Variants in BBS7 observed in about 807,000 individuals in gnomAD.
BBS7 encodes the protein BBSome complex member BBS7.
BBS7 carries 50 observed loss-of-function variants against 90.3 expected under a neutral mutation model. The ratio of observed to expected loss-of-function variants is 0.55; its 90% CI spans 0.44 to 0.70. The LOEUF is 0.70. Ranked by LOEUF, BBS7 falls within the 30% of genes least tolerant of loss-of-function variation. BBS7 has a pLI of 0.00. For synonymous variants in BBS7, 235 were observed against 287.4 expected (o/e 0.82, Z 1.85); for missense variants, 729 against 838.9 (o/e 0.87, Z 1.62).
intron 15 of BBS7, 152 bp from the exon 16 acceptor site, chr4:121,828,880 A>G (rs1353161513): frequency 2.0e-6 from 1 of 508,782 alleles, no homozygotes; most frequent in African/African-American, 2.0e-5. Flanking sequence ...AAATTTAAAC[A>G]TGTAATCCTT....
chr4:121,859,830 T>C (rs114279324), intron 4 of BBS7, among the ~76,000 whole-genome samples: 3,648 of 152,248 alleles, frequency 0.024, 55 homozygotes, highest in Middle Eastern at 0.071. Context: ...GTTTATTTCA[T>C]ATTACATTTA....
intron 12 of BBS7, 94 bp downstream of exon 12, chr4:121,843,833 G>A: frequency 1.2e-6 from 1 of 842,732 alleles, no homozygotes; most frequent in Non-Finnish European, 1.9e-6. Flanking sequence ...AATTGAAAAA[G>A]AAACATCAAA....
Position 121,824,809 on chromosome 4 carries a change from C to A in BBS7, c.*1051G>T. ...TATATAAATATAAGAATATACAAAG[C>A]TTGCACATAACTAATAAGTATAATA... On this transcript the variant is annotated 3_prime_UTR_variant, in exon 19 of 19. Transcript: ENST00000264499. The surrounding 1 kb of genome is among the most constrained non-coding windows in gnomAD (Gnocchi z 4.1). The A allele has an allele frequency of 6.6e-6, 1 of 151,772 alleles. No individual in the cohort carries two copies. Among genetic ancestry groups the A allele is most frequent in the East Asian group, 1.9e-4 (1 of 5,198 alleles). 9.4% of individuals were successfully genotyped at this position (151,772 alleles called of 1,614,324 possible).
intron 5 of BBS7, among the ~76,000 whole-genome samples, chr4:121,856,605 A>C (rs1383514832): frequency 1.3e-5 from 2 of 151,912 alleles, no homozygotes; most frequent in African/African-American, 4.8e-5. Context: ...CCAGCTACTC[A>C]GGAGGCTAAA....
At chr4:121,839,924 AT>A (rs1725650489) in intron 12 of BBS7, among the ~76,000 whole-genome samples, 1 of 152,252 alleles carries the variant, frequency 6.6e-6, no homozygotes, top group Non-Finnish European at 1.5e-5. Context: ...AATAAAAGCC[AT>A]TAAGTGATGA....
chr4:121,862,365 A>C (rs1213171560), intron 3 of BBS7, among the ~76,000 whole-genome samples: 1 of 152,176 alleles, frequency 6.6e-6, no homozygotes, highest in Non-Finnish European at 1.5e-5. Context: ...CCATGACTTT[A>C]TATACAGAGA....
At position 121,863,248 on chromosome 4, in the gene BBS7, A is replaced by AT. The variant is rs777707753; in HGVS notation, c.133dup (p.Met45AsnfsTer45). 2.5e-6 allele frequency: 4 copies of AT among 1,613,844 alleles called. No individual in the cohort carries two copies. The African/African-American group carries it at 4.0e-5, about 16-fold the overall frequency. On this transcript the variant is annotated frameshift_variant, in exon 3 of 19. Coordinates refer to ENST00000264499, the MANE Select transcript of BBS7 (RefSeq NM_176824.3). LOFTEE classifies it high-confidence loss of function. The stretch of plus-strand genomic sequence containing the variant: ...TTCTCCTTTCTTCATGCCAAAGCAC[A>AT]TAACTACCCCATCATGATCTCCAAT...
chr4:121,848,688 T>C (rs1427795712), intron 9 of BBS7, among the ~76,000 whole-genome samples, 156 bp downstream of exon 9: 1 of 152,202 alleles, frequency 6.6e-6, no homozygotes, highest in East Asian at 1.9e-4. Context: ...TATTTGAGGT[T>C]TGAGGCTTCC....
rs549500375 is a variant in BBS7, at chr4:121,849,789, C to T, written c.850-861G>A. Among the ~76,000 whole-genome samples, 6 of 152,188 alleles carry T rather than the reference C, an allele frequency of 3.9e-5. No homozygotes were observed. In the East Asian group the frequency reaches 9.7e-4, roughly 25 times the overall value. On this transcript the variant is annotated intron_variant, in intron 8 of 18. Coordinates refer to ENST00000264499, the MANE Select transcript of BBS7 (RefSeq NM_176824.3). ...AGGTTGCAGTGAGCTGAGATCGTCC[C>T]ACTGTACTCCAGTCTGGCGACAGAG...
chr4:121,832,038 ACACACAAAAC>A (rs1246987231), intron 15 of BBS7, among the ~76,000 whole-genome samples: 55 of 151,198 alleles, frequency 3.6e-4, no homozygotes, highest in Admixed American at 1.5e-3. Context: ...ACACACACAC[ACACACAAAAC>A]AAACAACCTA....
Position 121,847,521 on chromosome 4 carries a change from T to C in BBS7, c.935-15A>G. 6.4e-7 allele frequency: 1 copy of C among 1,557,448 alleles called. No individual in the cohort carries two copies. Among genetic ancestry groups the C allele is most frequent in the Non-Finnish European group, 8.9e-7 (1 of 1,128,936 alleles). On this transcript the variant is annotated splice_polypyrimidine_tract_variant and intron_variant, in intron 9 of 18. Coordinates refer to ENST00000264499, the MANE Select transcript of BBS7 (RefSeq NM_176824.3). Reference sequence around the variant, plus strand: ...TGTAACCCAGCCTGTAGAGATGAATTACAATCACGCACCACTTAGTACTGC... The same window carrying C: ...TGTAACCCAGCCTGTAGAGATGAATCACAATCACGCACCACTTAGTACTGC...
intron 8 of BBS7, among the ~76,000 whole-genome samples, chr4:121,850,865 T>C (rs1035215233): frequency 6.6e-6 from 1 of 152,204 alleles, no homozygotes; most frequent in African/African-American, 2.4e-5. Context: ...TAGGCTATGA[T>C]AGTTGTTCCT....
chr4:121,838,428 C>T (rs1725568467), intron 13 of BBS7, among the ~76,000 whole-genome samples: 1 of 149,692 alleles, frequency 6.7e-6, no homozygotes, highest in African/African-American at 2.5e-5. Flanking sequence ...AGTTATAGTG[C>T]TTAATTTTTA....
At chr4:121,854,664 T>A (rs1395297348) in intron 7 of BBS7, 40 bp downstream of exon 7, 2 of 1,588,298 alleles carry the variant, frequency 1.3e-6, no homozygotes, top group East Asian at 2.3e-5. Flanking sequence ...TACTTAATAA[T>A]CATTGACACC....
At position 121,833,286 on chromosome 4, in the gene BBS7, C is replaced by T; in HGVS notation, c.1621G>A (p.Val541Met). Residue 541 changes from valine to methionine, a missense_variant, in exon 15 of 19, where the codon GTG (valine) becomes ATG (methionine). Val to Met is a conservative substitution (Grantham distance 21). Coordinates refer to ENST00000264499, the MANE Select transcript of BBS7 (RefSeq NM_176824.3). ...VPEKPPAGEC[V>M]TFYFQNTFLD... is the part of the protein sequence containing the mutation. Reference sequence around the variant, plus strand: ...AAGGTGTTCTGAAAGTAAAATGTCACACATTCTCCTGCTGGAGGTTTTTCT... The same window carrying T: ...AAGGTGTTCTGAAAGTAAAATGTCATACATTCTCCTGCTGGAGGTTTTTCT... 1 of 1,613,986 alleles carries T rather than the reference C, an allele frequency of 6.2e-7. No individual in the cohort carries two copies. Among genetic ancestry groups the T allele is most frequent in the Non-Finnish European group, 8.5e-7 (1 of 1,179,932 alleles).
chr4:121,825,233 C>G lies in BBS7; in HGVS notation c.*627G>C, dbSNP rs138489532. 1 of 152,184 alleles carries G rather than the reference C, an allele frequency of 6.6e-6. No homozygotes were observed. The highest frequency in any genetic ancestry group is 1.5e-5 in the Non-Finnish European group (1 of 68,072). 9.4% of individuals were successfully genotyped at this position (152,184 alleles called of 1,614,324 possible). A position where few individuals can be genotyped will look rare whatever the true frequency, so the allele number is the denominator to read the frequency against. Reference sequence around the variant, plus strand: ...CTGCAGCAGAGTCATAAAACACTACCAAGCAAAAGGAATATCAGTTGCAAA... The same window carrying G: ...CTGCAGCAGAGTCATAAAACACTACGAAGCAAAAGGAATATCAGTTGCAAA... On this transcript the variant is annotated 3_prime_UTR_variant, in exon 19 of 19. Coordinates refer to ENST00000264499, the MANE Select transcript of BBS7 (RefSeq NM_176824.3).
chr4:121,842,893 T>C (rs907685746), intron 12 of BBS7, among the ~76,000 whole-genome samples: 2 of 152,226 alleles, frequency 1.3e-5, no homozygotes, highest in Non-Finnish European at 2.9e-5. Flanking sequence ...ACAGTAAGCA[T>C]GTCCAAAAGC....
At chr4:121,868,147 A>AATAGT in intron 1 of BBS7, 101 bp from the exon 2 acceptor site, 1 of 888,088 alleles carries the variant, frequency 1.1e-6, no homozygotes, top group Non-Finnish European at 1.9e-6. Context: ...AATTAGTGAT[A>AATAGT]TAACTATTAT....
At chr4:121,862,386 T>C (rs1220485771) in intron 3 of BBS7, among the ~76,000 whole-genome samples, 8 of 152,206 alleles carry the variant, frequency 5.3e-5, no homozygotes, top group Non-Finnish European at 1.2e-4. Flanking sequence ...ATAAGATATC[T>C]GGGAGAATAT....
Sources: gnomAD v4.1 joint callset for allele counts (sites outside exome capture counted in the v4.1 genomes callset) on GRCh38, gnomAD v4.1.1 for gene constraint, Gnocchi (gnomAD v3.1) non-coding constraint, MANE v1.5 for transcripts, NCBI Gene and HGNC (gene_info 2026-07-23, HGNC 2026-07-21) for gene names.